Variants in PCNT observed in about 807,000 individuals in gnomAD.
PCNT encodes the protein kendrin.
A neutral mutation model predicts 380.4 loss-of-function variants in PCNT; 319 were observed. The ratio of observed to expected loss-of-function variants is 0.84; its 90% CI spans 0.77 to 0.92. The LOEUF is 0.92. Among genes scored for constraint, PCNT ranks in the 40% least tolerant of loss-of-function variants. The probability of loss-of-function intolerance (pLI) is 0.00; values close to 1 mark genes in which losing one functional copy is unlikely to be tolerated. For missense variants in PCNT, 4,400 were observed against 4,255.3 expected, an observed-to-expected ratio of 1.03 and a Z score of -0.95; for synonymous variants, 1,845 against 1,735.2, an observed-to-expected ratio of 1.06 and a Z score of -1.57.
At chr21:46,384,001 C>T (rs376509741) in intron 16 of PCNT, among the ~76,000 whole-genome samples, 3 of 142,950 alleles carry the variant, frequency 2.1e-5, no homozygotes, top group Middle Eastern at 3.9e-3. Flanking sequence ...TATTCAGTGG[C>T]GGAAGCGCAT....
intron 33 of PCNT, among the ~76,000 whole-genome samples, chr21:46,427,034 A>G (rs2087538221): frequency 6.6e-6 from 1 of 152,116 alleles, no homozygotes; most frequent in Non-Finnish European, 1.5e-5. Flanking sequence ...CAGGAGGCTC[A>G]TTGGTGCTGC....
intron 27 of PCNT, 88 bp downstream of exon 27, chr21:46,402,571 A>G (rs143199501): frequency 8.9e-5 from 126 of 1,423,348 alleles, no homozygotes; most frequent in Middle Eastern, 2.0e-4. Flanking sequence ...CGGGGAGGCG[A>G]GTCTCTGGTC....
chr21:46,435,797 C>T, intron 38 of PCNT, 107 bp from the exon 39 acceptor site: 1 of 1,334,240 alleles, frequency 7.5e-7, no homozygotes, highest in Non-Finnish European at 1.1e-6. Flanking sequence ...CCGCCTCGGC[C>T]TCCCAAAGTG....
intron 31 of PCNT, among the ~76,000 whole-genome samples, chr21:46,419,909 C>G (rs2087177918): frequency 6.6e-6 from 1 of 152,152 alleles, no homozygotes; most frequent in South Asian, 2.1e-4. Context: ...CCTGGCCAGC[C>G]CCCTCTTTTT....
intron 44 of PCNT, chr21:46,442,970 T>C: frequency 3.2e-6 from 1 of 313,926 alleles, no homozygotes; most frequent in South Asian, 2.7e-5. Flanking sequence ...TGCCGAGCCA[T>C]TGCCCCCTAC....
rs140271021 is a variant in PCNT, at chr21:46,434,557, C to T, written c.8752-1347C>T. 6.1e-3 allele frequency among the ~76,000 whole-genome samples: 932 copies of T among 152,380 alleles called. 4 individuals are homozygous for T. Among genetic ancestry groups the T allele is most frequent in the Middle Eastern group, 0.024 (7 of 294 alleles). On this transcript the variant is annotated intron_variant, in intron 38 of 46. Transcript: ENST00000359568. ...AGAGGCCCTTCAGAGGCTGCTTCGT[C>T]CTTCCTTGCCCCATCGTGCAGTAGA...
chr21:46,370,357 G>A (rs767953107), intron 15 of PCNT, among the ~76,000 whole-genome samples: 1 of 152,046 alleles, frequency 6.6e-6, no homozygotes, highest in African/African-American at 2.4e-5. Context: ...GCAGCTGGAC[G>A]AAACACAAAG....
At chr21:46,427,450 T>A (rs2087554582) in intron 33 of PCNT, among the ~76,000 whole-genome samples, 172 bp from the exon 34 acceptor site, 1 of 152,336 alleles carries the variant, frequency 6.6e-6, no homozygotes, top group Middle Eastern at 3.4e-3. Flanking sequence ...TGTCCTCATA[T>A]GATGGAGACA....
chr21:46,398,793 A>C (rs2086294849), intron 24 of PCNT, among the ~76,000 whole-genome samples: 1 of 151,294 alleles, frequency 6.6e-6, no homozygotes, highest in African/African-American at 2.4e-5. Context: ...GTTGCTGAGA[A>C]GTATTCCATT....
At position 46,398,073 on chromosome 21, in the gene PCNT, G is replaced by A. The variant is rs780201258; in HGVS notation, c.4506G>A (p.Leu1502=). 22 of 1,596,870 alleles carry A rather than the reference G, an allele frequency of 1.4e-5. No homozygotes were observed. The highest frequency in any genetic ancestry group is 1.8e-5 in the Non-Finnish European group (21 of 1,173,184). Reference sequence around the variant, plus strand: ...AGTTCCAGCAGGAGATTCAGAGGCTGGAGGGGCAGCTCCGCCAGGCGGCCA... The same window carrying A: ...AGTTCCAGCAGGAGATTCAGAGGCTAGAGGGGCAGCTCCGCCAGGCGGCCA... ...REEFQQEIQR[L]EGQLRQAAKP... Residue 1502 remains leucine (L), a synonymous_variant, in exon 23 of 47, where the codon CTG becomes CTA. Transcript: ENST00000359568.
intron 11 of PCNT, 54 bp from the exon 12 acceptor site, chr21:46,355,398 C>T (rs748251711): frequency 5.5e-5 from 87 of 1,569,084 alleles, no homozygotes; most frequent in Non-Finnish European, 7.0e-5. Flanking sequence ...GTTATAGCTG[C>T]GAGCGAGGTA....
intron 3 of PCNT, among the ~76,000 whole-genome samples, chr21:46,344,713 A>C (rs1372542580): frequency 6.6e-6 from 1 of 152,260 alleles, no homozygotes; most frequent in Non-Finnish European, 1.5e-5. Context: ...CCCAGGCGCC[A>C]GTCGAGGGGC....
In PCNT at chr21:46,430,156, C is replaced by A; in HGVS notation, c.7837C>A (p.Leu2613Ile). The A allele has an allele frequency of 1.2e-6, 2 of 1,614,218 alleles. No individual in the cohort carries two copies. The highest frequency in any genetic ancestry group is 8.5e-7 in the Non-Finnish European group (1 of 1,180,036). ...QTVVRDLKSD[L>I]CESRQKSEQL... Reference sequence around the variant, plus strand: ...TGTAGTGCGAGATTTGAAGTCCGACCTCTGTGAGAGCAGGCAGAAGAGCGA... The same window carrying A: ...TGTAGTGCGAGATTTGAAGTCCGACATCTGTGAGAGCAGGCAGAAGAGCGA... Residue 2613 changes from leucine to isoleucine, a missense_variant, in exon 36 of 47, where the codon CTC becomes ATC. Transcript: ENST00000359568.
chr21:46,434,792 G>A (rs902572644), intron 38 of PCNT, among the ~76,000 whole-genome samples: 3 of 152,236 alleles, frequency 2.0e-5, no homozygotes, highest in Admixed American at 6.5e-5. Context: ...GTGTGTGCAT[G>A]TTCACATGCA....
intron 24 of PCNT, among the ~76,000 whole-genome samples, chr21:46,398,696 C>T (rs1458714980): frequency 6.6e-6 from 1 of 152,208 alleles, no homozygotes; most frequent in Non-Finnish European, 1.5e-5. Flanking sequence ...GCGTGCCTGT[C>T]ATCTTGGGGG....
chr21:46,379,814 C>G (rs2085452268), intron 15 of PCNT, among the ~76,000 whole-genome samples: 1 of 152,164 alleles, frequency 6.6e-6, no homozygotes, highest in African/African-American at 2.4e-5. Flanking sequence ...TGCTGAGGGC[C>G]CTGCGTGCAT....
chr21:46,443,323 T>C (rs1345160459), intron 44 of PCNT, among the ~76,000 whole-genome samples: 1 of 152,234 alleles, frequency 6.6e-6, no homozygotes, highest in Non-Finnish European at 1.5e-5. Flanking sequence ...GCTCAAGCCA[T>C]CCTCCTGTGT....
At position 46,363,758 on chromosome 21, in the gene PCNT, G is replaced by A. The variant is rs753727871; in HGVS notation, c.2433G>A (p.Glu811=). 4 of 1,614,198 alleles carry A rather than the reference G, an allele frequency of 2.5e-6. No homozygotes were observed. The highest frequency in any genetic ancestry group is 2.5e-6 in the Non-Finnish European group (3 of 1,180,032). The change falls in exon 14 of 47, where the codon GAG becomes GAA. Residue 811 remains glutamate (E), a synonymous_variant. Transcript: ENST00000359568. ...DQQAAQILDL[E]RSLTEQQGRL... ...AGGCAGCCCAGATCCTGGATCTGGA[G>A]AGGTCCTTGACGGAGCAGCAGGGCC...
chr21:46,412,138 T>G, intron 28 of PCNT, 71 bp downstream of exon 28: 1 of 1,525,594 alleles, frequency 6.6e-7, no homozygotes, highest in South Asian at 1.2e-5. Context: ...TGTCAATGAC[T>G]TCTCTCTGCG....
Sources: allele counts gnomAD v4.1 joint callset (sites outside exome capture counted in the v4.1 genomes callset), GRCh38; gene constraint gnomAD v4.1.1; transcripts MANE v1.5; gene names NCBI Gene and HGNC (gene_info 2026-07-23, HGNC 2026-07-21).